The following CSNK2A2 variants were observed in gnomAD, a reference collection of about 807,000 sequenced individuals.
CSNK2A2 encodes the protein casein kinase II subunit alpha'.
In CSNK2A2, 8 loss-of-function variants were observed where a neutral mutation model predicts 54.0. The observed-to-expected ratio is 0.15, with a 90% CI of 0.09 to 0.27. The LOEUF (loss-of-function observed/expected upper bound fraction) is 0.27. Among genes scored for constraint, CSNK2A2 ranks in the 10% least tolerant of loss-of-function variants. The pLI is 1.00. For synonymous variants in CSNK2A2, 141 were observed against 153.9 expected (o/e 0.92, Z 0.62); for missense variants, 242 against 439.4 (o/e 0.55, Z 4.02).
intron 2 of CSNK2A2, among the ~76,000 whole-genome samples, chr16:58,188,478 T>C (rs944643327): frequency 1.3e-5 from 2 of 152,228 alleles, no homozygotes; most frequent in Non-Finnish European, 2.9e-5. Context: ...ATGTCATTCA[T>C]GAAACAAACT....
chr16:58,195,080 C>T (rs1316550811), intron 2 of CSNK2A2, among the ~76,000 whole-genome samples: 2 of 151,892 alleles, frequency 1.3e-5, no homozygotes, highest in African/African-American at 2.4e-5. Context: ...TTTCAATTTA[C>T]GTTTTGCTTA....
chr16:58,177,561 G>C (rs543960481), intron 4 of CSNK2A2, among the ~76,000 whole-genome samples: 2 of 152,252 alleles, frequency 1.3e-5, no homozygotes, highest in African/African-American at 4.8e-5. Flanking sequence ...CAATTCAGCT[G>C]CATCACCATG....
At chr16:58,159,443 CAAAGGA>C (rs983177616) in intron 11 of CSNK2A2, 2 of 152,152 alleles carry the variant, frequency 1.3e-5, no homozygotes, top group Non-Finnish European at 2.9e-5. Flanking sequence ...CCACTTCTGC[CAAAGGA>C]AAGTTTTCAC....
At chr16:58,182,833 A>G (rs1297439658) in intron 4 of CSNK2A2, among the ~76,000 whole-genome samples, 3 of 152,240 alleles carry the variant, frequency 2.0e-5, no homozygotes, top group Non-Finnish European at 4.4e-5. Context: ...ATATCAGCAT[A>G]GTACCCTACC....
At chr16:58,163,869 A>C (rs1961480017) in intron 11 of CSNK2A2, 185 bp downstream of exon 11, 2 of 490,524 alleles carry the variant, frequency 4.1e-6, no homozygotes, top group African/African-American at 3.9e-5. Context: ...ATGCTGCCAC[A>C]GTGACAGCTC....
intron 9 of CSNK2A2, 56 bp downstream of exon 9, chr16:58,166,528 C>A (rs527941989): frequency 7.9e-7 from 1 of 1,261,676 alleles, no homozygotes; most frequent in South Asian, 1.2e-5. Context: ...TTTGGCTAAC[C>A]TTTCCACTTC....
intron 10 of CSNK2A2, among the ~76,000 whole-genome samples, chr16:58,164,535 A>G (rs1961505502): frequency 6.6e-6 from 1 of 152,256 alleles, no homozygotes; most frequent in South Asian, 2.1e-4. Flanking sequence ...AAGAGCCATC[A>G]GAAGACCTAT....
intron 11 of CSNK2A2, chr16:58,161,793 A>G (rs1341125431): frequency 6.6e-6 from 1 of 152,250 alleles, no homozygotes; most frequent in Non-Finnish European, 1.5e-5. Flanking sequence ...GTTATGGTCT[A>G]AGTCTAAGGC....
chr16:58,162,578 A>G (rs1302458223), intron 11 of CSNK2A2: 2 of 152,242 alleles, frequency 1.3e-5, no homozygotes, highest in African/African-American at 2.4e-5. Flanking sequence ...TGTTTCAAAC[A>G]AACATCTAAC....
rs1235428643 is a variant in CSNK2A2 at position 58,198,064 on chromosome 16, G to C, written c.-328C>G. 1 of 147,444 alleles carries C rather than the reference G, an allele frequency of 6.8e-6. No individual in the cohort carries two copies. The highest frequency in any genetic ancestry group is 2.5e-5 in the African/African-American group (1 of 40,738). 9.1% of individuals were successfully genotyped at this position (147,444 alleles called of 1,614,324 possible). On this transcript the variant is annotated 5_prime_UTR_variant, in exon 1 of 12. Transcript: ENST00000262506. ...CACCGGCAGCGGCAGCCACCGGCCGGGAAAGGGGCAGCGGCGGCGGCAGCG... is the reference window on the plus strand; with the variant it reads ...CACCGGCAGCGGCAGCCACCGGCCGCGAAAGGGGCAGCGGCGGCGGCAGCG...
Position 58,196,496 on chromosome 16 carries a change from C to A in CSNK2A2, c.216+237G>T, listed in dbSNP as rs549757454. Among the ~76,000 whole-genome samples the A allele has an allele frequency of 2.6e-5, 4 of 152,238 alleles. No individual in the cohort carries two copies. The East Asian group carries it at 7.7e-4, about 29-fold the overall frequency. On this transcript the variant is annotated intron_variant, in intron 2 of 11. Transcript: ENST00000262506. ...AAATAGCTGGGCGTGGTGGCATGCA[C>A]CTGTAGTCCCAGCTACTTGGGAGGC...
Position 58,163,351 on chromosome 16 carries a change from T to G in CSNK2A2, c.*17+703A>C, listed in dbSNP as rs1213218079. 2.0e-5 allele frequency: 3 copies of G among 152,056 alleles called. No individual in the cohort carries two copies. In the East Asian group the frequency reaches 5.8e-4, roughly 29 times the overall value. 9.4% of individuals were successfully genotyped at this position (152,056 alleles called of 1,614,324 possible). A position where few individuals can be genotyped will look rare whatever the true frequency, so the allele number is the denominator to read the frequency against. ...AACAAAGGTTATAGTGAGCTCCAAG[T>G]TATGCACTTAGCATGGAACTTTTGA... On this transcript the variant is annotated intron_variant, in intron 11 of 11. Transcript: ENST00000262506.
intron 4 of CSNK2A2, among the ~76,000 whole-genome samples, chr16:58,182,951 T>C (rs1252038505): frequency 2.0e-5 from 3 of 151,468 alleles, no homozygotes; most frequent in East Asian, 1.9e-4. Context: ...ATCTGTCACA[T>C]GTGGGAAAGT....
At chr16:58,192,079 T>C (rs1307259589) in intron 2 of CSNK2A2, among the ~76,000 whole-genome samples, 5 of 152,162 alleles carry the variant, frequency 3.3e-5, no homozygotes, top group African/African-American at 4.8e-5. Context: ...CTATCTATAG[T>C]TTATCTGACT....
intron 11 of CSNK2A2, chr16:58,161,643 C>T (rs1023585951): frequency 6.6e-6 from 1 of 151,836 alleles, no homozygotes; most frequent in African/African-American, 2.4e-5. Flanking sequence ...CTTAAAATTT[C>T]GGGGGAGCTA....
chr16:58,188,016 A>C (rs1962234757), intron 2 of CSNK2A2, among the ~76,000 whole-genome samples: 1 of 151,142 alleles, frequency 6.6e-6, no homozygotes, highest in Non-Finnish European at 1.5e-5. Context: ...ATAAAGCAAG[A>C]CTTTTTTTGC....
At chr16:58,192,471 C>T (rs1366369574) in intron 2 of CSNK2A2, 1 of 149,726 alleles carries the variant, frequency 6.7e-6, no homozygotes. Context: ...ACCATAAAAA[C>T]ACTATTTACT....
Position 58,198,105 on chromosome 16 carries a change from A to T in CSNK2A2, c.-369T>A, listed in dbSNP as rs962021546. Among the ~76,000 whole-genome samples, 1 of 146,400 alleles carries T rather than the reference A, an allele frequency of 6.8e-6. No homozygotes were observed. Among genetic ancestry groups the T allele is most frequent in the African/African-American group, 2.5e-5 (1 of 40,770 alleles). On this transcript the variant is annotated 5_prime_UTR_variant, in exon 1 of 12. Transcript: ENST00000262506. Reference sequence around the variant, plus strand: ...GGCGGCAGCGGAGAAGAAGGAGGAGAGGAGGAGGAGGCGGAGGAAACCCGG... The same window carrying T: ...GGCGGCAGCGGAGAAGAAGGAGGAGTGGAGGAGGAGGCGGAGGAAACCCGG...
intron 10 of CSNK2A2, 122 bp from the exon 11 acceptor site, chr16:58,164,269 G>A (rs1306904527): frequency 2.8e-6 from 2 of 727,242 alleles, no homozygotes; most frequent in East Asian, 2.7e-5. Context: ...GGTCAGGGGG[G>A]CAACAGGAGA....
Sources: gnomAD v4.1 joint callset for allele counts (sites outside exome capture counted in the v4.1 genomes callset) on GRCh38, gnomAD v4.1.1 for gene constraint, MANE v1.5 for transcripts, NCBI Gene and HGNC (gene_info 2026-07-23, HGNC 2026-07-21) for gene names.